NRG3: variants seen among roughly 807,000 people sequenced by gnomAD.
NRG3 encodes pro-neuregulin-3, membrane-bound isoform.
A neutral mutation model predicts 66.9 loss-of-function variants in NRG3; 31 were observed. That is an observed-to-expected ratio of 0.46 (90% CI 0.35 to 0.63). The LOEUF is 0.63. NRG3 is among the 20% of genes least tolerant of loss of function. The pLI is 0.00. For missense variants in NRG3, 910 were observed against 878.9 expected, an observed-to-expected ratio of 1.04 and a Z score of -0.45; for synonymous variants, 393 against 359.4, an observed-to-expected ratio of 1.09 and a Z score of -1.06.
Position 82,509,223 on chromosome 10 carries a change from C to A in NRG3, c.953+150355C>A, listed in dbSNP as rs573964788. Among the ~76,000 whole-genome samples the A allele has an allele frequency of 4.1e-4, 63 of 152,228 alleles. 2 individuals carry two copies. In the South Asian group the frequency reaches 0.013, roughly 31 times the overall value. On this transcript the variant is annotated intron_variant, in intron 2 of 8. Coordinates refer to ENST00000372141, the MANE Select transcript of NRG3 (RefSeq NM_001010848.4). ...ACTCTGCAATCAATGACAACAGAAA[C>A]AGACTTTTCTTATTTTATTTTAAGT... is the stretch of plus-strand genomic sequence containing the variant.
At chr10:82,233,307 G>GC (rs2076585335) in intron 1 of NRG3, among the ~76,000 whole-genome samples, 1 of 152,202 alleles carries the variant, frequency 6.6e-6, no homozygotes, top group Admixed American at 6.5e-5. Context: ...GGAGCTTGCA[G>GC]TGACCCAAGA....
chr10:82,900,387 C>A (rs1174296225), intron 4 of NRG3, among the ~76,000 whole-genome samples: 1 of 151,238 alleles, frequency 6.6e-6, no homozygotes, highest in Non-Finnish European at 1.5e-5. Context: ...TTATTGTTAA[C>A]AATTTTTTTC....
chr10:82,747,793 A>G (rs1239879798), intron 3 of NRG3, among the ~76,000 whole-genome samples: 1 of 151,932 alleles, frequency 6.6e-6, no homozygotes, highest in East Asian at 1.9e-4. Context: ...TTTGAAGCAT[A>G]CAAAAGTTTT....
chr10:82,601,537 C>T (rs2047626950), intron 2 of NRG3, among the ~76,000 whole-genome samples: 1 of 152,046 alleles, frequency 6.6e-6, no homozygotes, highest in South Asian at 2.1e-4. Context: ...AAAGTGTTCT[C>T]CAAAAGCTTT....
At chr10:82,084,025 C>T (rs1341906707) in intron 1 of NRG3, among the ~76,000 whole-genome samples, 2 of 151,290 alleles carry the variant, frequency 1.3e-5, no homozygotes, top group Admixed American at 6.6e-5. Flanking sequence ...GTTGGGAGTT[C>T]GAGACCAGCC....
At chr10:82,126,820 T>C (rs2068475882) in intron 1 of NRG3, among the ~76,000 whole-genome samples, 1 of 152,048 alleles carries the variant, frequency 6.6e-6, no homozygotes, top group African/African-American at 2.4e-5. Context: ...GGTGTTATCA[T>C]AAGTGCTAGA....
rs1840993858 is a variant in NRG3, at chr10:82,469,238, T to TC, written c.953+110375dup. Among the ~76,000 whole-genome samples the TC allele has an allele frequency of 3.3e-5, 5 of 152,288 alleles. No individual in the cohort carries two copies. The South Asian group carries it at 1.0e-3, about 32-fold the overall frequency. On this transcript the variant is annotated intron_variant, in intron 2 of 8. Coordinates refer to ENST00000372141, the MANE Select transcript of NRG3 (RefSeq NM_001010848.4). Reference sequence around the variant, plus strand: ...CCCTTCCTTCCGCTTTCCTTCAATTTCCCCCTGCTTCTTTTCCTGCTATGA... The same window carrying TC: ...CCCTTCCTTCCGCTTTCCTTCAATTTCCCCCCTGCTTCTTTTCCTGCTATGA...
chr10:82,005,013 T>C (rs2133718081), intron 1 of NRG3, among the ~76,000 whole-genome samples: 1 of 152,362 alleles, frequency 6.6e-6, no homozygotes, highest in Admixed American at 6.5e-5. Context: ...TGGCCTTTGA[T>C]TGTTACAACA....
At chr10:82,830,264 T>C (rs1001507933) in intron 3 of NRG3, among the ~76,000 whole-genome samples, 1 of 152,218 alleles carries the variant, frequency 6.6e-6, no homozygotes, top group Non-Finnish European at 1.5e-5. Context: ...CCATTTCTCT[T>C]GTAATTTCCC....
At chr10:82,275,181 A>G (rs1439046709) in intron 1 of NRG3, among the ~76,000 whole-genome samples, 3 of 152,042 alleles carry the variant, frequency 2.0e-5, no homozygotes, top group Admixed American at 1.3e-4. Context: ...TTGTACATCT[A>G]TTCTTTAGAT....
chr10:81,900,247 CGGTTTTT>C lies in NRG3; in HGVS notation c.823+24085_823+24091del, dbSNP rs1843921123. 3.1e-5 allele frequency among the ~76,000 whole-genome samples: 4 copies of C among 129,726 alleles called. No homozygotes were observed. In the South Asian group the frequency reaches 7.3e-4, roughly 24 times the overall value. The allele number at this position is 129,726 out of a possible 152,430, so 85.1% of individuals were successfully genotyped here. On this transcript the variant is annotated intron_variant, in intron 1 of 8. Coordinates refer to ENST00000372141, the MANE Select transcript of NRG3 (RefSeq NM_001010848.4). ...ACAGGCATGAGCCAATGCGCCTGGC[CGGTTTTT>C]AACGCACACTTCTTATAAGTGCCTA...
chr10:81,880,238 G>C (rs1376881441), intron 1 of NRG3, among the ~76,000 whole-genome samples: 3 of 152,060 alleles, frequency 2.0e-5, no homozygotes, highest in African/African-American at 7.2e-5. Context: ...GTTTGGACTC[G>C]TTGGTCTCCG....
At chr10:82,149,516 C>G (rs2070534444) in intron 1 of NRG3, among the ~76,000 whole-genome samples, 1 of 152,062 alleles carries the variant, frequency 6.6e-6, no homozygotes, top group South Asian at 2.1e-4. Context: ...GTAATCGGAG[C>G]TTTTCACGTT....
At chr10:82,050,358 C>A (rs1484474155) in intron 1 of NRG3, among the ~76,000 whole-genome samples, 1 of 148,772 alleles carries the variant, frequency 6.7e-6, no homozygotes, top group Non-Finnish European at 1.5e-5. Flanking sequence ...TTATTATAAA[C>A]CACAGCACAT....
intron 2 of NRG3, among the ~76,000 whole-genome samples, chr10:82,625,375 T>C (rs2049348221): frequency 6.6e-6 from 1 of 152,170 alleles, no homozygotes; most frequent in Non-Finnish European, 1.5e-5. Flanking sequence ...AGAATTTAAT[T>C]AAATACACAG....
intron 3 of NRG3, among the ~76,000 whole-genome samples, chr10:82,835,009 T>C (rs1479459466): frequency 6.6e-6 from 1 of 152,192 alleles, no homozygotes; most frequent in Non-Finnish European, 1.5e-5. Flanking sequence ...TTAAGAAGGA[T>C]TTGTAGCAGG....
chr10:82,409,337 T>C (rs558772009), intron 2 of NRG3, among the ~76,000 whole-genome samples: 64 of 152,284 alleles, frequency 4.2e-4, no homozygotes, highest in African/African-American at 1.4e-3. Context: ...CCAATAGTGA[T>C]TTGGATAATG....
chr10:82,271,024 G>A (rs2078566871), intron 1 of NRG3, among the ~76,000 whole-genome samples: 1 of 152,018 alleles, frequency 6.6e-6, no homozygotes, highest in Admixed American at 6.6e-5. Context: ...AATCATAATA[G>A]GCAATGAAAA....
In NRG3 at chr10:82,979,930, G is replaced by A. The variant is rs138215891; in HGVS notation, c.1583+810G>A. ...ATAAATTGAGAAAAATAGACCAGAC[G>A]CACTGCCTCACACCCATAGTCCCAG... On this transcript the variant is annotated intron_variant, in intron 8 of 8. Transcript: ENST00000372141. Among the ~76,000 whole-genome samples, 999 of 152,172 alleles carry A rather than the reference G, an allele frequency of 6.6e-3. 10 individuals carry two copies. Among genetic ancestry groups the A allele is most frequent in the African/African-American group, 0.022 (933 of 41,526 alleles).
Sources: allele counts gnomAD v4.1 joint callset (sites outside exome capture counted in the v4.1 genomes callset), GRCh38; gene constraint gnomAD v4.1.1; transcripts MANE v1.5; gene names NCBI Gene and HGNC (gene_info 2026-07-23, HGNC 2026-07-21).